RBFOX1: variants seen among roughly 807,000 people sequenced by gnomAD.
RBFOX1 encodes RNA binding fox-1 homolog 1, also known as RNA binding protein fox-1 homolog 1.
Under a neutral mutation model 57.7 loss-of-function variants are expected in RBFOX1, and 8 were observed. That is an observed-to-expected ratio of 0.14 (90% confidence interval 0.08 to 0.25). RBFOX1 has a LOEUF of 0.25. RBFOX1 is among the 10% of genes least tolerant of loss of function. The pLI is 1.00. For synonymous variants in RBFOX1, 326 were observed against 222.4 expected (o/e 1.47, Z -4.15); for missense variants, 611 against 548.5 (o/e 1.11, Z -1.14).
At chr16:5,988,505 TC>T (rs1430767713) in intron 4 of RBFOX1, among the ~76,000 whole-genome samples, 2 of 152,138 alleles carry the variant, frequency 1.3e-5, no homozygotes, top group African/African-American at 4.8e-5. Context: ...TCGTCTAAGT[TC>T]CCAGAGGAAG....
intron 4 of RBFOX1, among the ~76,000 whole-genome samples, chr16:7,392,337 A>G (rs913376440): frequency 3.3e-5 from 5 of 152,156 alleles, no homozygotes; most frequent in East Asian, 1.9e-4. Flanking sequence ...TAATGAATAT[A>G]TGTTTGCATT....
At chr16:7,491,921 A>G (rs2151551733) in intron 4 of RBFOX1, among the ~76,000 whole-genome samples, 1 of 151,978 alleles carries the variant, frequency 6.6e-6, no homozygotes, top group Non-Finnish European at 1.5e-5. Flanking sequence ...TCATTGTACC[A>G]CTCCGTGTGT....
chr16:7,542,029 C>G (rs2083091798), intron 5 of RBFOX1, among the ~76,000 whole-genome samples: 1 of 152,164 alleles, frequency 6.6e-6, no homozygotes, highest in South Asian at 2.1e-4. Context: ...TTGACCTGAG[C>G]TGGGAAGAAG....
intron 4 of RBFOX1, among the ~76,000 whole-genome samples, chr16:7,065,427 C>G (rs1473030271): frequency 6.6e-6 from 1 of 152,146 alleles, no homozygotes; most frequent in Non-Finnish European, 1.5e-5. Flanking sequence ...TTCCTCTGTC[C>G]ACATGCTCCA....
At chr16:6,616,682 G>A (rs1245805028) in intron 2 of RBFOX1, among the ~76,000 whole-genome samples, 1 of 152,162 alleles carries the variant, frequency 6.6e-6, no homozygotes, top group Admixed American at 6.5e-5. Context: ...TGATCTACCT[G>A]CCTCTGCCTC....
At position 6,920,909 on chromosome 16, in the gene RBFOX1, C is replaced by T. The variant is rs368663345; in HGVS notation, c.-15-131148C>T. On this transcript the variant is annotated intron_variant, in intron 3 of 15. Transcript: ENST00000550418. ...CATTCACTGATATCAGGGATTAGGA[C>T]TTGGACATAGGTTTTTGCAGGACAC... Among the ~76,000 whole-genome samples the T allele has an allele frequency of 7.2e-5, 11 of 152,286 alleles. 1 individual carries two copies. In the South Asian group the frequency reaches 2.3e-3, roughly 32 times the overall value.
At chr16:5,616,063 CG>C (rs2048013706) in intron 3 of RBFOX1, 1 of 152,696 alleles carries the variant, frequency 6.5e-6, no homozygotes, top group African/African-American at 2.4e-5. Context: ...CTCCCTGCTC[CG>C]GGGTCTCTCT....
chr16:5,653,200 G>T (rs1042260586), intron 3 of RBFOX1, among the ~76,000 whole-genome samples: 14 of 151,988 alleles, frequency 9.2e-5, no homozygotes, highest in African/African-American at 3.4e-4. Flanking sequence ...GGAAGGTGGG[G>T]TGCTTAGCCA....
In RBFOX1 at chr16:5,906,815, A is replaced by T. The variant is rs531757156; in HGVS notation, c.351+39480A>T. Reference sequence around the variant, plus strand: ...AGTGACGCTTTCTTGGCTCACTGCAACCTCCACCTCTCGGGGTCAAGCAAT... The same window carrying T: ...AGTGACGCTTTCTTGGCTCACTGCATCCTCCACCTCTCGGGGTCAAGCAAT... On this transcript the variant is annotated intron_variant, in intron 4 of 19. Transcript: ENST00000641259. Among the ~76,000 whole-genome samples the T allele has an allele frequency of 4.6e-5, 6 of 131,386 alleles. No individual in the cohort carries two copies. The Admixed American group carries it at 5.0e-4, about 11-fold the overall frequency. The allele number at this position is 131,386 out of a possible 152,430, so 86.2% of individuals were successfully genotyped here.
intron 4 of RBFOX1, among the ~76,000 whole-genome samples, chr16:7,091,823 A>G (rs777855297): frequency 1.3e-5 from 2 of 152,190 alleles, no homozygotes; most frequent in Non-Finnish European, 2.9e-5. Flanking sequence ...GAGTATAGAG[A>G]TGGCCTGATT....
chr16:7,282,917 C>G (rs967519484), intron 4 of RBFOX1, among the ~76,000 whole-genome samples: 1 of 152,136 alleles, frequency 6.6e-6, no homozygotes, highest in Non-Finnish European at 1.5e-5. Context: ...TAATTCATTA[C>G]TTTTTTATGG....
At position 7,529,300 on chromosome 16, in the gene RBFOX1, C is replaced by G. The variant is rs1431495096; in HGVS notation, c.270+10911C>G. On this transcript the variant is annotated intron_variant, in intron 5 of 15. Transcript: ENST00000550418. ...CAAGAAGAAAAAGAAAACTCAAATA[C>G]TTTCACATCCAGGCAAGTAACATCC... is the stretch of plus-strand genomic sequence containing the variant. Among the ~76,000 whole-genome samples, 3 of 152,168 alleles carry G rather than the reference C, an allele frequency of 2.0e-5. No individual in the cohort carries two copies. In the East Asian group the frequency reaches 5.8e-4, roughly 29 times the overall value.
At chr16:5,246,446 T>G (rs2062302289) in intron 1 of RBFOX1, among the ~76,000 whole-genome samples, 1 of 152,162 alleles carries the variant, frequency 6.6e-6, no homozygotes, top group South Asian at 2.1e-4. Flanking sequence ...CTCCTCGACT[T>G]ATTTTTTTGT....
At chr16:7,351,152 G>T (rs2097123769) in intron 4 of RBFOX1, among the ~76,000 whole-genome samples, 1 of 152,148 alleles carries the variant, frequency 6.6e-6, no homozygotes, top group Non-Finnish European at 1.5e-5. Context: ...TGACCACAGG[G>T]GACAACTTGG....
At chr16:5,891,204 C>A (rs1322452557) in intron 4 of RBFOX1, among the ~76,000 whole-genome samples, 2 of 151,918 alleles carry the variant, frequency 1.3e-5, no homozygotes, top group Admixed American at 6.6e-5. Context: ...CCCCTCCTCT[C>A]TCTCGTGCAT....
intron 2 of RBFOX1, among the ~76,000 whole-genome samples, chr16:6,625,599 G>C (rs956433807): frequency 6.6e-6 from 1 of 152,076 alleles, no homozygotes; most frequent in Non-Finnish European, 1.5e-5. Flanking sequence ...TCTAACTATG[G>C]TAGAGGCCAA....
At chr16:7,266,515 C>A (rs1478891399) in intron 4 of RBFOX1, among the ~76,000 whole-genome samples, 1 of 152,190 alleles carries the variant, frequency 6.6e-6, no homozygotes, top group East Asian at 1.9e-4. Context: ...TATTTCTTTA[C>A]AGCAATGCAA....
intron 2 of RBFOX1, among the ~76,000 whole-genome samples, chr16:6,360,948 T>TTTTTATTTTATTTTATTTTA (rs71145217): frequency 2.7e-5 from 4 of 150,292 alleles, no homozygotes; most frequent in Non-Finnish European, 4.4e-5. Context: ...TTTCACATCT[T>TTTTTATTTTATTTTATTTTA]TTTTATTTTA....
intron 5 of RBFOX1, among the ~76,000 whole-genome samples, chr16:7,561,918 T>C (rs1184376431): frequency 6.6e-6 from 1 of 152,202 alleles, no homozygotes; most frequent in Non-Finnish European, 1.5e-5. Flanking sequence ...TAGGATTTAG[T>C]ACCAAATACG....
Sources: gnomAD v4.1 joint callset for allele counts (sites outside exome capture counted in the v4.1 genomes callset) on GRCh38, gnomAD v4.1.1 for gene constraint, MANE v1.5 for transcripts, NCBI Gene and HGNC (gene_info 2026-07-23, HGNC 2026-07-21) for gene names.